EWSR1: variants seen among roughly 807,000 people sequenced by gnomAD.
EWSR1 encodes EWS RNA binding protein 1.
Under a neutral mutation model 92.1 loss-of-function variants are expected in EWSR1, and 14 were observed. That is an observed-to-expected ratio of 0.15 (90% confidence interval 0.10 to 0.24). The LOEUF (loss-of-function observed/expected upper bound fraction) is 0.24. EWSR1 is among the 10% of genes least tolerant of loss of function. The pLI is 1.00. For missense variants in EWSR1, 637 were observed against 870.9 expected (o/e 0.73, Z 3.38); for synonymous variants, 303 against 292.9 (o/e 1.03, Z -0.35).
chr22:29,287,214 T>G (rs996231850), intron 7 of EWSR1, 80 bp downstream of exon 7: 154 of 1,410,472 alleles, frequency 1.1e-4, no homozygotes, highest in African/African-American at 4.1e-4. Flanking sequence ...TTTGTTGGTT[T>G]GTTTTTCTTT....
chr22:29,300,476 A>ATGTT lies in EWSR1; in HGVS notation c.*317_*320dup, dbSNP rs1188093302. The ATGTT allele has an allele frequency of 8.3e-6, 2 of 240,254 alleles. No individual in the cohort carries two copies. The highest frequency in any genetic ancestry group is 1.6e-5 in the Non-Finnish European group (2 of 126,518). 14.9% of individuals were successfully genotyped at this position (240,254 alleles called of 1,614,324 possible). A position where few individuals can be genotyped will look rare whatever the true frequency, so the allele number is the denominator to read the frequency against. ...AACTGTAACAATGTTCATGGTTGTG[A>ATGTT]TGTTTTTTTTTTTTTTTTAAATAAA... On this transcript the variant is annotated 3_prime_UTR_variant, in exon 17 of 17. Coordinates refer to ENST00000397938, the MANE Select transcript of EWSR1 (RefSeq NM_005243.4).
chr22:29,298,132 G>A (rs1231497214), intron 13 of EWSR1, among the ~76,000 whole-genome samples, 183 bp downstream of exon 13: 1 of 152,202 alleles, frequency 6.6e-6, no homozygotes, highest in Non-Finnish European at 1.5e-5. Flanking sequence ...GAGGCTGGAA[G>A]CCACTCTGCC....
At chr22:29,286,531 A>G (rs2060045632) in intron 6 of EWSR1, among the ~76,000 whole-genome samples, 1 of 151,708 alleles carries the variant, frequency 6.6e-6, no homozygotes, top group African/African-American at 2.4e-5. Flanking sequence ...TACTAAAAAC[A>G]AAAAAACTAG....
intron 4 of EWSR1, chr22:29,276,784 G>A (rs1449352580): frequency 8.7e-6 from 2 of 231,172 alleles, no homozygotes; most frequent in East Asian, 6.1e-5. Flanking sequence ...CCAAGTAGCT[G>A]GGACTGAAGG....
intron 5 of EWSR1, among the ~76,000 whole-genome samples, chr22:29,282,131 G>C (rs1370200319): frequency 6.6e-6 from 1 of 152,182 alleles, no homozygotes; most frequent in African/African-American, 2.4e-5. Flanking sequence ...GATGAATGGA[G>C]CATATTAATG....
chr22:29,295,833 C>T, intron 11 of EWSR1: 1 of 240,228 alleles, frequency 4.2e-6, no homozygotes. Flanking sequence ...TCACTCACAG[C>T]CTGTACACTG....
intron 12 of EWSR1, 86 bp downstream of exon 12, chr22:29,296,454 G>A: frequency 6.6e-7 from 1 of 1,523,084 alleles, no homozygotes; most frequent in Non-Finnish European, 8.9e-7. Flanking sequence ...GGAGCAAGAA[G>A]ACCTTCCATC....
rs973014112 is a variant in EWSR1 at position 29,288,898 on chromosome 22, A to G, written c.974+112A>G. On this transcript the variant is annotated intron_variant, in intron 8 of 16. Transcript: ENST00000397938. ...ATTAATTTCTGCATTTCCATGGACAATCTGTTGAGCTCAAGCCATCTTCTA... is the reference window on the plus strand; with the variant it reads ...ATTAATTTCTGCATTTCCATGGACAGTCTGTTGAGCTCAAGCCATCTTCTA... 6.6e-6 allele frequency: 7 copies of G among 1,068,458 alleles called. No individual in the cohort carries two copies. The African/African-American group carries it at 8.1e-5, about 12-fold the overall frequency. The allele number at this position is 1,068,458 out of a possible 1,614,324, so 66.2% of individuals were successfully genotyped here.
At chr22:29,287,637 T>C (rs1467063110) in intron 7 of EWSR1, among the ~76,000 whole-genome samples, 2 of 152,218 alleles carry the variant, frequency 1.3e-5, no homozygotes, top group African/African-American at 4.8e-5. Context: ...AGTGCTTTTT[T>C]CCAATTTGTT....
intron 4 of EWSR1, chr22:29,277,369 G>A (rs944104624): frequency 4.0e-5 from 9 of 223,532 alleles, no homozygotes; most frequent in South Asian, 1.8e-4. Context: ...GAGCAATATC[G>A]AAGTTTAATT....
chr22:29,295,028 A>G (rs749367250), intron 11 of EWSR1, among the ~76,000 whole-genome samples: 1 of 151,898 alleles, frequency 6.6e-6, no homozygotes, highest in African/African-American at 2.4e-5. Context: ...AAATGCTTTT[A>G]GTGTCTACTG....
At chr22:29,270,682 C>T (rs1358381094) in intron 1 of EWSR1, among the ~76,000 whole-genome samples, 1 of 152,206 alleles carries the variant, frequency 6.6e-6, no homozygotes, top group African/African-American at 2.4e-5. Flanking sequence ...AAACGTTGAA[C>T]TTACATGACA....
chr22:29,296,456 C>G, intron 12 of EWSR1, 88 bp downstream of exon 12: 1 of 1,496,758 alleles, frequency 6.7e-7, no homozygotes, highest in South Asian at 1.2e-5. Context: ...AGCAAGAAGA[C>G]CTTCCATCTC....
At chr22:29,293,549 CCATT>C (rs2060610186) in intron 11 of EWSR1, among the ~76,000 whole-genome samples, 3 of 152,064 alleles carry the variant, frequency 2.0e-5, no homozygotes, top group Admixed American at 2.0e-4. Flanking sequence ...TTTTATTTCT[CCATT>C]TATTTGTATA....
intron 4 of EWSR1, chr22:29,277,141 C>T (rs1305338868): frequency 8.8e-6 from 2 of 226,914 alleles, no homozygotes; most frequent in Non-Finnish European, 1.8e-5. Flanking sequence ...ATGCATCTTG[C>T]TTTGCAGCAT....
At chr22:29,285,681 C>G (rs938023348) in intron 6 of EWSR1, among the ~76,000 whole-genome samples, 1 of 151,306 alleles carries the variant, frequency 6.6e-6, no homozygotes, top group Middle Eastern at 3.4e-3. Context: ...AGATTATTGG[C>G]GGGCAGGCTT....
intron 1 of EWSR1, among the ~76,000 whole-genome samples, chr22:29,271,476 G>C (rs532814206): frequency 2.2e-4 from 34 of 152,194 alleles, no homozygotes; most frequent in African/African-American, 7.9e-4. Context: ...TTTTTAAGTT[G>C]AAATCATTTT....
At chr22:29,283,838 T>A (rs563998509) in intron 6 of EWSR1, among the ~76,000 whole-genome samples, 2 of 148,198 alleles carry the variant, frequency 1.3e-5, no homozygotes, top group East Asian at 4.0e-4. Context: ...CCAGCCAGTT[T>A]GTTTGTTTGT....
intron 8 of EWSR1, chr22:29,289,808 A>G (rs1296467292): frequency 4.3e-6 from 1 of 231,590 alleles, no homozygotes; most frequent in Non-Finnish European, 8.5e-6. Context: ...TATTTTGCAT[A>G]TTCTGCATAA....
Sources: allele counts gnomAD v4.1 joint callset (sites outside exome capture counted in the v4.1 genomes callset), GRCh38; gene constraint gnomAD v4.1.1; transcripts MANE v1.5; gene names NCBI Gene and HGNC (gene_info 2026-07-23, HGNC 2026-07-21).